The following MAGI3 variants were observed in gnomAD, a reference collection of about 807,000 sequenced individuals.
MAGI3 encodes the protein membrane associated guanylate kinase, WW and PDZ domain containing 3.
In MAGI3, 43 loss-of-function variants were observed where a neutral mutation model predicts 121.8. That is an observed-to-expected ratio of 0.35 (90% CI 0.28 to 0.46). MAGI3 has a LOEUF of 0.46. MAGI3 is among the 20% of genes least tolerant of loss of function. The probability of loss-of-function intolerance (pLI) is 1.00; values close to 1 mark genes in which losing one functional copy is unlikely to be tolerated. For missense variants in MAGI3, 1,547 were observed against 1,797.3 expected, an observed-to-expected ratio of 0.86 and a Z score of 2.52; for synonymous variants, 553 against 639.3, an observed-to-expected ratio of 0.86 and a Z score of 2.04.
At chr1:113,563,998 T>C (rs187399064) in intron 2 of MAGI3, among the ~76,000 whole-genome samples, 111 of 152,250 alleles carry the variant, frequency 7.3e-4, no homozygotes, top group African/African-American at 2.5e-3. Flanking sequence ...TCCCTCAGCT[T>C]TAGGGTGATA....
chr1:113,662,960 T>A (rs1653859669), intron 16 of MAGI3, among the ~76,000 whole-genome samples: 1 of 152,196 alleles, frequency 6.6e-6, no homozygotes, highest in Non-Finnish European at 1.5e-5. Context: ...GCGCCGTGGC[T>A]CATGCCTGTA....
intron 1 of MAGI3, among the ~76,000 whole-genome samples, chr1:113,508,717 C>T (rs1657466888): frequency 6.6e-6 from 1 of 152,116 alleles, no homozygotes; most frequent in Non-Finnish European, 1.5e-5. Flanking sequence ...TTGCTCTATG[C>T]AGGAAGTATT....
intron 2 of MAGI3, among the ~76,000 whole-genome samples, chr1:113,560,375 T>TA (rs1660177450): frequency 6.8e-6 from 1 of 147,606 alleles, no homozygotes; most frequent in South Asian, 2.1e-4. Context: ...GACTCCATCT[T>TA]AAAAAACAAA....
Position 113,683,035 on chromosome 1 carries a change from T to C in MAGI3, c.3467T>C (p.Ile1156Thr). 2 of 1,613,896 alleles carry C rather than the reference T, an allele frequency of 1.2e-6. No homozygotes were observed. Among genetic ancestry groups the C allele is most frequent in the African/African-American group, 2.7e-5 (2 of 75,004 alleles). ...PVIEESLRVQICEKAEELKDI... is the reference protein window; with the variant it reads ...PVIEESLRVQTCEKAEELKDI... ...ATTGAAGAATCTTTGAGAGTTCAGA[T>C]ATGTGAAAAGGCAGAAGAATTAAAG... The change falls in exon 21 of 21, where the codon ATA becomes ACA. Residue 1156 changes from isoleucine to threonine, a missense_variant. Coordinates refer to ENST00000307546, the MANE Select transcript of MAGI3 (RefSeq NM_001142782.2).
intron 1 of MAGI3, among the ~76,000 whole-genome samples, chr1:113,527,674 C>G (rs1200645126): frequency 1.3e-5 from 2 of 152,132 alleles, no homozygotes; most frequent in African/African-American, 4.8e-5. Context: ...AGAGAAGTCA[C>G]TTTGCTAACA....
chr1:113,479,655 G>T (rs1294631637), intron 1 of MAGI3, among the ~76,000 whole-genome samples: 2 of 152,040 alleles, frequency 1.3e-5, no homozygotes, highest in Non-Finnish European at 2.9e-5. Context: ...CAGATTTGGG[G>T]TGGTTTTCAT....
intron 15 of MAGI3, among the ~76,000 whole-genome samples, chr1:113,655,803 A>T (rs1467984659): frequency 6.6e-6 from 1 of 152,212 alleles, no homozygotes; most frequent in Non-Finnish European, 1.5e-5. Flanking sequence ...TCCCTGTCTC[A>T]TGAATGTGAG....
intron 1 of MAGI3, among the ~76,000 whole-genome samples, chr1:113,541,031 A>G (rs1209275167): frequency 2.6e-5 from 4 of 152,170 alleles, no homozygotes; most frequent in African/African-American, 4.8e-5. Flanking sequence ...TTCTCTAGCT[A>G]TGATTATAAT....
chr1:113,440,263 TATC>T (rs372508235), intron 1 of MAGI3, among the ~76,000 whole-genome samples: 7 of 152,204 alleles, frequency 4.6e-5, no homozygotes, highest in Admixed American at 1.3e-4. Context: ...TAGTTGATCT[TATC>T]ATAGCTACAA....
intron 1 of MAGI3, among the ~76,000 whole-genome samples, chr1:113,517,784 C>G (rs1456322175): frequency 6.6e-6 from 1 of 151,904 alleles, no homozygotes; most frequent in Non-Finnish European, 1.5e-5. Flanking sequence ...GTCAAATTCA[C>G]TAGATTTGAG....
intron 9 of MAGI3, among the ~76,000 whole-genome samples, chr1:113,637,356 A>G (rs1401388067): frequency 1.3e-5 from 2 of 152,202 alleles, no homozygotes; most frequent in African/African-American, 4.8e-5. Flanking sequence ...ATGATTTTGC[A>G]GTGGCTGGTA....
intron 1 of MAGI3, among the ~76,000 whole-genome samples, chr1:113,477,126 A>G (rs1655868467): frequency 6.6e-6 from 1 of 151,740 alleles, no homozygotes; most frequent in Non-Finnish European, 1.5e-5. Flanking sequence ...GCATCTTTGC[A>G]CATGAGATGA....
At chr1:113,475,412 A>C (rs1655765219) in intron 1 of MAGI3, among the ~76,000 whole-genome samples, 2 of 152,194 alleles carry the variant, frequency 1.3e-5, no homozygotes, top group South Asian at 4.1e-4. Context: ...GATACGTTCC[A>C]TGAATACCTA....
intron 1 of MAGI3, among the ~76,000 whole-genome samples, chr1:113,445,451 TA>T (rs544565113): frequency 2.0e-5 from 3 of 151,614 alleles, no homozygotes; most frequent in South Asian, 2.1e-4. Context: ...AAAATAATAA[TA>T]AAAAAAATGA....
At chr1:113,543,068 T>C (rs1044237061) in intron 1 of MAGI3, among the ~76,000 whole-genome samples, 9 of 151,754 alleles carry the variant, frequency 5.9e-5, no homozygotes, top group Admixed American at 2.0e-4. Flanking sequence ...ATAATAATGA[T>C]AATAATTCTA....
chr1:113,579,613 G>T (rs1647880219), intron 2 of MAGI3, among the ~76,000 whole-genome samples: 1 of 152,170 alleles, frequency 6.6e-6, no homozygotes, highest in Non-Finnish European at 1.5e-5. Flanking sequence ...CAGTGACTAG[G>T]AGGAGTGTAG....
At chr1:113,457,204 C>CT (rs941123859) in intron 1 of MAGI3, among the ~76,000 whole-genome samples, 2 of 152,062 alleles carry the variant, frequency 1.3e-5, no homozygotes, top group Non-Finnish European at 2.9e-5. Flanking sequence ...AGTCATATTT[C>CT]TTTTTTTCAG....
intron 1 of MAGI3, among the ~76,000 whole-genome samples, chr1:113,529,681 T>C (rs1252993727): frequency 6.6e-6 from 1 of 152,320 alleles, no homozygotes. Context: ...GTATATTTGA[T>C]GCCTAAAGCA....
chr1:113,612,908 A>C (rs1001695459), intron 6 of MAGI3, among the ~76,000 whole-genome samples: 5 of 152,184 alleles, frequency 3.3e-5, no homozygotes, highest in African/African-American at 1.2e-4. Flanking sequence ...TATAGTCCTT[A>C]ATTTCTCCAA....
Sources: allele counts gnomAD v4.1 joint callset (sites outside exome capture counted in the v4.1 genomes callset), GRCh38; gene constraint gnomAD v4.1.1; transcripts MANE v1.5; gene names NCBI Gene and HGNC (gene_info 2026-07-23, HGNC 2026-07-21).